The following CTTNBP2 variants were observed in gnomAD, a reference collection of about 807,000 sequenced individuals.
CTTNBP2 encodes the protein cortactin binding protein 2, also known as cortactin-binding protein 2.
In CTTNBP2, 108 loss-of-function variants were observed where a neutral mutation model predicts 156.9. The ratio of observed to expected loss-of-function variants is 0.69; its 90% CI spans 0.59 to 0.81. CTTNBP2 has a LOEUF of 0.81. Among genes scored for constraint, CTTNBP2 ranks in the 30% least tolerant of loss-of-function variants. The pLI is 0.00. For missense variants in CTTNBP2, 1,924 were observed against 2,035.4 expected, an observed-to-expected ratio of 0.95 and a Z score of 1.05; for synonymous variants, 767 against 751.8, an observed-to-expected ratio of 1.02 and a Z score of -0.33.
chr7:117,768,581 A>AAAAAAGAAAGAAAG (rs1554419704), intron 8 of CTTNBP2, among the ~76,000 whole-genome samples: 2 of 99,112 alleles, frequency 2.0e-5, no homozygotes, highest in African/African-American at 9.5e-5. Context: ...AAAAAAAAAA[A>AAAAAAGAAAGAAAG]AAAGAAAGAA....
intron 2 of CTTNBP2, among the ~76,000 whole-genome samples, chr7:117,818,468 A>G (rs1039715831): frequency 2.6e-5 from 4 of 152,190 alleles, no homozygotes; most frequent in African/African-American, 9.6e-5. Flanking sequence ...TCAGGAAGAA[A>G]TGTGAGTCAG....
chr7:117,805,958 A>T (rs925624142), intron 3 of CTTNBP2, among the ~76,000 whole-genome samples: 16 of 152,308 alleles, frequency 1.1e-4, no homozygotes, highest in African/African-American at 3.8e-4. Context: ...CACAAATTTT[A>T]AAGAGATGAT....
chr7:117,826,882 G>A lies in CTTNBP2; in HGVS notation c.190-15893C>T, dbSNP rs1801321104. 2.7e-5 allele frequency among the ~76,000 whole-genome samples: 4 copies of A among 147,964 alleles called. No individual in the cohort carries two copies. The South Asian group carries it at 6.4e-4, about 24-fold the overall frequency. On this transcript the variant is annotated intron_variant, in intron 2 of 22. Coordinates refer to ENST00000160373, the MANE Select transcript of CTTNBP2 (RefSeq NM_033427.3). ...ATTATTATTATTATTATTATTTTGA[G>A]ATGGAGTCTCACTCTGCTGTCCAGG...
intron 1 of CTTNBP2, among the ~76,000 whole-genome samples, chr7:117,865,343 TGAAAA>T (rs1451544228): frequency 6.6e-6 from 1 of 151,634 alleles, no homozygotes; most frequent in Non-Finnish European, 1.5e-5. Flanking sequence ...TTTTTAGTGA[TGAAAA>T]GAAACTAAAA....
chr7:117,852,880 T>C (rs1803022488), intron 2 of CTTNBP2, among the ~76,000 whole-genome samples: 1 of 152,170 alleles, frequency 6.6e-6, no homozygotes, highest in Non-Finnish European at 1.5e-5. Context: ...AAATGCTTAG[T>C]TTCATTAATG....
At chr7:117,745,688 T>C (rs1796288019) in intron 14 of CTTNBP2, 143 bp downstream of exon 14, 1 of 617,544 alleles carries the variant, frequency 1.6e-6, no homozygotes, top group African/African-American at 1.9e-5. Context: ...AAGATAATTT[T>C]TGCAAGTGTT....
chr7:117,752,663 T>C (rs911061814), intron 12 of CTTNBP2, among the ~76,000 whole-genome samples: 2 of 152,226 alleles, frequency 1.3e-5, no homozygotes, highest in African/African-American at 4.8e-5. Context: ...TTTGCATACA[T>C]AGTAACAACT....
Position 117,711,745 on chromosome 7 carries a change from C to T in CTTNBP2, c.4784G>A (p.Cys1595Tyr). Residue 1595 changes from cysteine (C) to tyrosine (Y), a missense_variant, in exon 23 of 23, where the codon TGC (cysteine) becomes TAC (tyrosine). Cys to Tyr is a radical substitution (Grantham distance 194). Transcript: ENST00000160373. ...SPLSSHQTTE[C>Y]SNSKSKTELG... is the part of the protein sequence containing the mutation. ...CTCAGTCTTTGATTTACTGTTGCTG[C>T]ATTCAGTAGTTTGATGGCTGCTGAG... 1 of 1,613,820 alleles carries T rather than the reference C, an allele frequency of 6.2e-7. No individual in the cohort carries two copies. Among genetic ancestry groups the T allele is most frequent in the African/African-American group, 1.3e-5 (1 of 75,018 alleles).
rs754179132 is a variant in CTTNBP2 at position 117,792,810 on chromosome 7, T to C, written c.415-29A>G. 7.0e-7 allele frequency: 1 copy of C among 1,433,628 alleles called. No homozygotes were observed. The highest frequency in any genetic ancestry group is 1.6e-5 in the South Asian group (1 of 62,122). 88.8% of individuals were successfully genotyped at this position (1,433,628 alleles called of 1,614,324 possible). A position where few individuals can be genotyped will look rare whatever the true frequency, so the allele number is the denominator to read the frequency against. On this transcript the variant is annotated intron_variant, in intron 3 of 22. Coordinates refer to ENST00000160373, the MANE Select transcript of CTTNBP2 (RefSeq NM_033427.3). The surrounding 1 kb of genome is among the most constrained non-coding windows in gnomAD (Gnocchi z 4.2). ...AAAGAAATTCACAGGAAAACCCTGA[T>C]TAATATACAGAATTTTCTTTTCACC...
intron 14 of CTTNBP2, among the ~76,000 whole-genome samples, chr7:117,741,053 A>G (rs974696092): frequency 6.6e-6 from 1 of 152,218 alleles, no homozygotes; most frequent in East Asian, 1.9e-4. Flanking sequence ...CCTTGGGAGT[A>G]TAACAGCAGG....
intron 12 of CTTNBP2, 129 bp downstream of exon 12, chr7:117,756,426 G>A (rs1796886111): frequency 4.3e-6 from 3 of 704,758 alleles, no homozygotes; most frequent in Non-Finnish European, 7.6e-6. Flanking sequence ...GGGCTGGTGG[G>A]GAAGGTAACG....
chr7:117,813,096 G>A (rs1800383205), intron 2 of CTTNBP2, among the ~76,000 whole-genome samples: 1 of 152,138 alleles, frequency 6.6e-6, no homozygotes. Context: ...AAGGGAGCAG[G>A]AATGTCGTAC....
chr7:117,791,614 T>C lies in CTTNBP2; in HGVS notation c.1582A>G (p.Ser528Gly). The C allele has an allele frequency of 6.2e-7, 1 of 1,614,172 alleles. No homozygotes were observed. Among genetic ancestry groups the C allele is most frequent in the Non-Finnish European group, 8.5e-7 (1 of 1,180,026 alleles). Reference sequence around the variant, plus strand: ...CGTGCTACACCATGAGTCTTTAAACTGGTCCGACCAACTGGAGGGTGGGTG... The same window carrying C: ...CGTGCTACACCATGAGTCTTTAAACCGGTCCGACCAACTGGAGGGTGGGTG... ...VGTHPPVGRT[S>G]LKTHGVARVD... is the part of the protein sequence containing the mutation. Residue 528 changes from serine (S) to glycine (G), a missense_variant, in exon 4 of 23, where the codon AGT becomes GGT. By Grantham distance (56) the Ser-to-Gly change is moderately conservative. Coordinates refer to ENST00000160373, the MANE Select transcript of CTTNBP2 (RefSeq NM_033427.3).
At chr7:117,711,857 G>C (rs1794077550) in intron 22 of CTTNBP2, 75 bp from the exon 23 acceptor site, 2 of 1,423,142 alleles carry the variant, frequency 1.4e-6, no homozygotes, top group Non-Finnish European at 1.9e-6. Flanking sequence ...CCTCCTCTTT[G>C]AGCAAATGTA....
chr7:117,807,504 T>C (rs1393597761), intron 3 of CTTNBP2, among the ~76,000 whole-genome samples: 1 of 152,226 alleles, frequency 6.6e-6, no homozygotes, highest in Non-Finnish European at 1.5e-5. Context: ...TTCGGTTGTC[T>C]AGCACTGGAA....
intron 2 of CTTNBP2, among the ~76,000 whole-genome samples, chr7:117,835,881 G>T (rs760889617): frequency 4.6e-5 from 7 of 152,066 alleles, no homozygotes; most frequent in Non-Finnish European, 1.0e-4. Flanking sequence ...ACCACTCTAA[G>T]CCTCAGTTTC....
Position 117,711,190 on chromosome 7 carries a change from T to G in CTTNBP2, c.*347A>C, listed in dbSNP as rs1433088920. 6.2e-6 allele frequency: 1 copy of G among 160,770 alleles called. No individual in the cohort carries two copies. Among genetic ancestry groups the G allele is most frequent in the Non-Finnish European group, 1.4e-5 (1 of 73,348 alleles). 10.0% of individuals were successfully genotyped at this position (160,770 alleles called of 1,614,324 possible). The stretch of plus-strand genomic sequence containing the variant: ...ATGCAGTATGATTTCTGGACTTCCT[T>G]AAATATACATACATATATACATATA... On this transcript the variant is annotated 3_prime_UTR_variant, in exon 23 of 23. Transcript: ENST00000160373.
At chr7:117,832,706 CCAAT>C (rs1801686697) in intron 2 of CTTNBP2, among the ~76,000 whole-genome samples, 1 of 150,194 alleles carries the variant, frequency 6.7e-6, no homozygotes, top group Non-Finnish European at 1.5e-5. Flanking sequence ...CAAATGACTA[CCAAT>C]CAATCTATAG....
chr7:117,846,252 A>G (rs923911803), intron 2 of CTTNBP2, among the ~76,000 whole-genome samples: 1 of 152,208 alleles, frequency 6.6e-6, no homozygotes, highest in Admixed American at 6.5e-5. Flanking sequence ...CGACCATGTG[A>G]AATACTGTAT....
Sources: gnomAD v4.1 joint callset for allele counts (sites outside exome capture counted in the v4.1 genomes callset) on GRCh38, gnomAD v4.1.1 for gene constraint, Gnocchi (gnomAD v3.1) non-coding constraint, MANE v1.5 for transcripts, NCBI Gene and HGNC (gene_info 2026-07-23, HGNC 2026-07-21) for gene names.